PCDHGA6: variants seen among roughly 807,000 people sequenced by gnomAD.
PCDHGA6 encodes the protein protocadherin gamma subfamily A, 6, also known as protocadherin gamma-A6.
Under a neutral mutation model 60.6 loss-of-function variants are expected in PCDHGA6, and 41 were observed. That is an observed-to-expected ratio of 0.68 (90% CI 0.53 to 0.88). The LOEUF (loss-of-function observed/expected upper bound fraction) is 0.88. Among genes scored for constraint, PCDHGA6 ranks in the 40% least tolerant of loss-of-function variants. The pLI, the probability that PCDHGA6 is intolerant of heterozygous loss-of-function variation, is 0.00. For synonymous variants in PCDHGA6, 594 were observed against 524.4 expected (o/e 1.13, Z -1.81); for missense variants, 1,312 against 1,203.0 (o/e 1.09, Z -1.34).
chr5:141,420,465 A>G, intron 1 of PCDHGA6: 1 of 807,604 alleles, frequency 1.2e-6, no homozygotes. Context: ...ATTCAAAGAC[A>G]TTTTAAAGCA....
intron 1 of PCDHGA6, among the ~76,000 whole-genome samples, chr5:141,462,264 G>A (rs966953621): frequency 1.3e-5 from 2 of 152,174 alleles, no homozygotes; most frequent in African/African-American, 4.8e-5. Context: ...CCAGCCTAAA[G>A]TGTATTGTTT....
intron 1 of PCDHGA6, chr5:141,394,242 CACGACCCCG>C (rs1450725417): frequency 1.2e-6 from 2 of 1,613,838 alleles, no homozygotes; most frequent in Non-Finnish European, 1.7e-6. Flanking sequence ...CTTGACTGCA[CACGACCCCG>C]ACAGCCAGGA....
chr5:141,402,895 A>G, intron 1 of PCDHGA6: 1 of 1,505,744 alleles, frequency 6.6e-7, no homozygotes, highest in South Asian at 1.4e-5. Context: ...GGAAGAAAGA[A>G]CCTGATGAAG....
At chr5:141,394,850 G>GC in intron 1 of PCDHGA6, 1 of 1,613,820 alleles carries the variant, frequency 6.2e-7, no homozygotes. Flanking sequence ...GCAGTCTGAA[G>GC]CCTTCGGTCG....
intron 2 of PCDHGA6, among the ~76,000 whole-genome samples, chr5:141,495,296 T>TCCTCCAGAG (rs998633800): frequency 1.3e-5 from 2 of 152,054 alleles, no homozygotes; most frequent in Non-Finnish European, 2.9e-5. Flanking sequence ...ACTCAGCGCC[T>TCCTCCAGAG]CCTCCAGAGC....
At chr5:141,403,560 A>G in intron 1 of PCDHGA6, 1 of 1,613,972 alleles carries the variant, frequency 6.2e-7, no homozygotes, top group Non-Finnish European at 8.5e-7. Context: ...CTGGACAGGG[A>G]GGAGGCAACT....
At chr5:141,377,453 C>T (rs1242702883) in intron 1 of PCDHGA6, 1 of 151,916 alleles carries the variant, frequency 6.6e-6, no homozygotes, top group Non-Finnish European at 1.5e-5. Flanking sequence ...AAAAAGTAGC[C>T]AGATGTGTGG....
intron 1 of PCDHGA6, chr5:141,413,858 G>T: frequency 6.2e-7 from 1 of 1,613,258 alleles, no homozygotes; most frequent in Non-Finnish European, 8.5e-7. Context: ...CTCCGATCTG[G>T]CACTGTCCTT....
intron 1 of PCDHGA6, chr5:141,393,678 A>T: frequency 6.2e-7 from 1 of 1,613,904 alleles, no homozygotes; most frequent in Non-Finnish European, 8.5e-7. Context: ...TGAAAAACAA[A>T]CTCCGTTATT....
intron 1 of PCDHGA6, chr5:141,395,364 AT>A: frequency 1.6e-6 from 2 of 1,264,440 alleles, no homozygotes; most frequent in Non-Finnish European, 2.1e-6. Context: ...TTTTGGGTTT[AT>A]TTTGGTGGTG....
At chr5:141,388,576 T>C (rs774429693) in intron 1 of PCDHGA6, 13 of 1,613,890 alleles carry the variant, frequency 8.1e-6, no homozygotes, top group South Asian at 3.3e-5. Context: ...ATACACGTTC[T>C]AGTGACTGAT....
At chr5:141,383,426 G>A (rs72790024) in intron 1 of PCDHGA6, 89,880 of 1,613,866 alleles carry the variant, frequency 0.056, 3,017 homozygotes, top group African/African-American at 0.15. Context: ...AGCCCCAATC[G>A]CCACTTCTCC....
At chr5:141,405,436 T>C (rs2094666141) in intron 1 of PCDHGA6, 1 of 1,458,154 alleles carries the variant, frequency 6.9e-7, no homozygotes. Flanking sequence ...TGTTTTGTTT[T>C]TGAGACAGAG....
chr5:141,420,974 T>C, intron 1 of PCDHGA6: 1 of 460,696 alleles, frequency 2.2e-6, no homozygotes, highest in Non-Finnish European at 3.8e-6. Flanking sequence ...ATAATAAGAA[T>C]GGGCTCTAGG....
At chr5:141,385,577 T>A in intron 1 of PCDHGA6, 1 of 1,290,108 alleles carries the variant, frequency 7.8e-7, no homozygotes, top group Non-Finnish European at 9.8e-7. Context: ...TACTTTCCAA[T>A]CTATGTTCCA....
chr5:141,375,059 G>C lies in PCDHGA6; in HGVS notation c.976G>C (p.Gly326Arg). The C allele has an allele frequency of 6.2e-7, 1 of 1,614,038 alleles. No homozygotes were observed. Among genetic ancestry groups the C allele is most frequent in the Non-Finnish European group, 8.5e-7 (1 of 1,179,900 alleles). Residue 326 changes from glycine to arginine, a missense_variant, in exon 1 of 4, where the codon GGT becomes CGT. Gly to Arg is a moderately radical substitution (Grantham distance 125). Coordinates refer to ENST00000517434, the MANE Select transcript of PCDHGA6 (RefSeq NM_018919.3). ...ELGVEARDGP[G>R]LRDRAKVLIT... ...GGGTGTTGAAGCCCGGGATGGGCCA[G>C]GTCTTCGAGACAGAGCGAAAGTCTT...
At position 141,486,543 on chromosome 5, in the gene PCDHGA6, A is replaced by G; in HGVS notation, c.2425-8264A>G. Reference sequence around the variant, plus strand: ...AATGATAATCCACCCTCTTTCTTTCAGAGGTCACATGAGGTGTTTGTTCCT... The same window carrying G: ...AATGATAATCCACCCTCTTTCTTTCGGAGGTCACATGAGGTGTTTGTTCCT... On this transcript the variant is annotated intron_variant, in intron 1 of 3. Transcript: ENST00000517434. This position sits in a 1 kb window ranked among gnomAD's most constrained non-coding sequence, Gnocchi z 5.0. 6.2e-7 allele frequency: 1 copy of G among 1,614,080 alleles called. No individual in the cohort carries two copies. Among genetic ancestry groups the G allele is most frequent in the Non-Finnish European group, 8.5e-7 (1 of 1,180,020 alleles).
Position 141,485,606 on chromosome 5 carries a change from G to T in PCDHGA6, c.2425-9201G>T, listed in dbSNP as rs2099616630. On this transcript the variant is annotated intron_variant, in intron 1 of 3. Transcript: ENST00000517434. The surrounding 1 kb of genome is among the most constrained non-coding windows in gnomAD (Gnocchi z 5.7). ...GCAGCTGGACTTGGAAATTGGGGAG[G>T]CAGCTCCTCCAGGACAGCGTTTCCC... is the stretch of plus-strand genomic sequence containing the variant. 1.2e-6 allele frequency: 2 copies of T among 1,612,362 alleles called. No homozygotes were observed. The highest frequency in any genetic ancestry group is 4.5e-5 in the East Asian group (2 of 44,840).
chr5:141,393,555 C>G, intron 1 of PCDHGA6: 6 of 1,613,928 alleles, frequency 3.7e-6, no homozygotes, highest in Non-Finnish European at 5.1e-6. Flanking sequence ...CCCGATTTAC[C>G]GAGTGAAAGT....
Sources: gnomAD v4.1 joint callset for allele counts (sites outside exome capture counted in the v4.1 genomes callset) on GRCh38, gnomAD v4.1.1 for gene constraint, Gnocchi (gnomAD v3.1) non-coding constraint, MANE v1.5 for transcripts, NCBI Gene and HGNC (gene_info 2026-07-23, HGNC 2026-07-21) for gene names.